The following KCNAB1 variants were observed in gnomAD, a reference collection of about 807,000 sequenced individuals.
The protein encoded by KCNAB1 is potassium voltage-gated channel subfamily A regulatory beta subunit 1.
KCNAB1 carries 35 observed loss-of-function variants against 64.6 expected under a neutral mutation model. That is an observed-to-expected ratio of 0.54 (90% CI 0.41 to 0.72). The LOEUF is 0.72. Among genes scored for constraint, KCNAB1 ranks in the 30% least tolerant of loss-of-function variants. The probability of loss-of-function intolerance (pLI) is 0.00; values close to 1 mark genes in which losing one functional copy is unlikely to be tolerated. For missense variants in KCNAB1, 401 were observed against 512.9 expected (o/e 0.78, Z 2.11); for synonymous variants, 177 against 183.8 (o/e 0.96, Z 0.30).
chr3:156,539,070 CTTA>C (rs1559939286), downstream of KCNAB1: 9 of 152,274 alleles, frequency 5.9e-5, no homozygotes, highest in Non-Finnish European at 1.0e-4. Flanking sequence ...TCCACGCACT[CTTA>C]TTATTTTCTT....
At chr3:156,188,244 T>A (rs1293067600) in intron 1 of KCNAB1, among the ~76,000 whole-genome samples, 1 of 151,746 alleles carries the variant, frequency 6.6e-6, no homozygotes, top group Admixed American at 6.6e-5. Flanking sequence ...ATGTCATCAC[T>A]CTAGAAAATT....
intron 1 of KCNAB1, among the ~76,000 whole-genome samples, chr3:156,214,874 C>A: frequency 6.6e-6 from 1 of 152,258 alleles, no homozygotes; most frequent in Non-Finnish European, 1.5e-5. Flanking sequence ...TTGCACGAAA[C>A]ACATCAGGCT....
At chr3:156,451,034 A>G (rs956179633) in intron 2 of KCNAB1, among the ~76,000 whole-genome samples, 1 of 152,180 alleles carries the variant, frequency 6.6e-6, no homozygotes, top group African/African-American at 2.4e-5. Flanking sequence ...CAACAGGAAG[A>G]TGTGGAGGCT....
At chr3:156,291,305 G>A (rs1360899719) in intron 1 of KCNAB1, 4 of 989,312 alleles carry the variant, frequency 4.0e-6, no homozygotes, top group Non-Finnish European at 3.6e-6. Flanking sequence ...CTCCCGGAGC[G>A]GAGGCGGGAG....
intron 8 of KCNAB1, among the ~76,000 whole-genome samples, chr3:156,511,850 A>G (rs1184767300): frequency 6.6e-6 from 1 of 152,218 alleles, no homozygotes; most frequent in Non-Finnish European, 1.5e-5. Flanking sequence ...CATACAAATG[A>G]CATGGTTTGC....
chr3:156,379,823 G>T (rs1042328990), intron 1 of KCNAB1, among the ~76,000 whole-genome samples: 1 of 152,072 alleles, frequency 6.6e-6, no homozygotes. Context: ...CTTGGGAGGT[G>T]GTTTCAATGA....
At chr3:156,444,469 A>C (rs1218926803) in intron 2 of KCNAB1, among the ~76,000 whole-genome samples, 2 of 152,224 alleles carry the variant, frequency 1.3e-5, no homozygotes, top group African/African-American at 2.4e-5. Flanking sequence ...GCATTCTCCC[A>C]AAAATCCTGT....
intron 1 of KCNAB1, among the ~76,000 whole-genome samples, chr3:156,159,923 A>G (rs1177085318): frequency 6.6e-6 from 1 of 152,250 alleles, no homozygotes; most frequent in African/African-American, 2.4e-5. Flanking sequence ...TTCCTTCTCT[A>G]AAGAAATTCT....
intron 1 of KCNAB1, among the ~76,000 whole-genome samples, chr3:156,334,279 A>G (rs868527694): frequency 1.3e-4 from 20 of 152,322 alleles, no homozygotes; most frequent in South Asian, 2.1e-4. Flanking sequence ...GGACAGTTAC[A>G]CCATCAGTAG....
chr3:156,494,131 T>C (rs1715832650), intron 8 of KCNAB1, among the ~76,000 whole-genome samples: 1 of 152,106 alleles, frequency 6.6e-6, no homozygotes, highest in Non-Finnish European at 1.5e-5. Context: ...TGGTTTTCTA[T>C]TTCCATCACA....
chr3:156,436,410 A>G (rs1157250333), intron 2 of KCNAB1, among the ~76,000 whole-genome samples: 1 of 152,222 alleles, frequency 6.6e-6, no homozygotes, highest in East Asian at 1.9e-4. Flanking sequence ...AGAATAATTT[A>G]TATTCCTTTG....
At chr3:156,459,096 TC>T (rs1559894857) in intron 4 of KCNAB1, among the ~76,000 whole-genome samples, 1 of 152,188 alleles carries the variant, frequency 6.6e-6, no homozygotes, top group Non-Finnish European at 1.5e-5. Context: ...TCCACTGATC[TC>T]CCATTCACTA....
At chr3:156,498,871 A>G (rs1716188685) in intron 8 of KCNAB1, among the ~76,000 whole-genome samples, 1 of 152,240 alleles carries the variant, frequency 6.6e-6, no homozygotes, top group Non-Finnish European at 1.5e-5. Context: ...ATTTCTTTGA[A>G]GAATTGTAAC....
chr3:156,521,761 C>T (rs56727448), intron 11 of KCNAB1, among the ~76,000 whole-genome samples: 3,324 of 152,174 alleles, frequency 0.022, 84 homozygotes, highest in South Asian at 0.065. Flanking sequence ...AACATTTTCT[C>T]ATTTGTAAAG....
chr3:156,143,569 G>GTTTTTTTGTTTT (rs1553807970), intron 1 of KCNAB1: 5 of 297,046 alleles, frequency 1.7e-5, no homozygotes, highest in Non-Finnish European at 2.9e-5. Flanking sequence ...TTGCATTCTT[G>GTTTTTTTGTTTT]TTTTTTTTTT....
At chr3:156,132,642 G>A (rs1252340842) in intron 1 of KCNAB1, among the ~76,000 whole-genome samples, 1 of 152,204 alleles carries the variant, frequency 6.6e-6, no homozygotes, top group Non-Finnish European at 1.5e-5. Flanking sequence ...GAGCACTTGT[G>A]GAGAGCCAGG....
chr3:156,123,452 A>G (rs1713467406), intron 1 of KCNAB1, among the ~76,000 whole-genome samples: 1 of 152,344 alleles, frequency 6.6e-6, no homozygotes, highest in East Asian at 1.9e-4. Flanking sequence ...TTTGAAACAA[A>G]GGGTATTATT....
chr3:156,172,416 A>T (rs1179099898), intron 1 of KCNAB1, among the ~76,000 whole-genome samples: 1 of 151,806 alleles, frequency 6.6e-6, no homozygotes, highest in African/African-American at 2.4e-5. Flanking sequence ...AGTAGCGGGG[A>T]CTACAGGCAT....
At chr3:156,519,287 C>G (rs563495500) in intron 11 of KCNAB1, among the ~76,000 whole-genome samples, 1 of 152,198 alleles carries the variant, frequency 6.6e-6, no homozygotes, top group Admixed American at 6.5e-5. Context: ...AAAGCCATAA[C>G]TTTGTCATAA....
Sources: gnomAD v4.1 joint callset for allele counts (sites outside exome capture counted in the v4.1 genomes callset) on GRCh38, gnomAD v4.1.1 for gene constraint, MANE v1.5 for transcripts, NCBI Gene and HGNC (gene_info 2026-07-23, HGNC 2026-07-21) for gene names.